SLMAP: variants seen among roughly 807,000 people sequenced by gnomAD.
SLMAP encodes the protein sarcolemmal membrane-associated protein.
A neutral mutation model predicts 128.8 loss-of-function variants in SLMAP; 44 were observed. That is an observed-to-expected ratio of 0.34 (90% CI 0.27 to 0.44). SLMAP has a LOEUF of 0.44. Ranked by LOEUF, SLMAP falls within the 20% of genes least tolerant of loss-of-function variation. The pLI is 1.00. For missense variants in SLMAP, 787 were observed against 985.3 expected, an observed-to-expected ratio of 0.80 and a Z score of 2.69; for synonymous variants, 327 against 348.8, an observed-to-expected ratio of 0.94 and a Z score of 0.70.
intron 2 of SLMAP, among the ~76,000 whole-genome samples, chr3:57,826,194 C>G (rs1464262696): frequency 6.6e-6 from 1 of 151,752 alleles, no homozygotes; most frequent in East Asian, 1.9e-4. Context: ...GTTATTTCAC[C>G]TTTTCTTGAG....
intron 19 of SLMAP, among the ~76,000 whole-genome samples, chr3:57,911,923 TAAAAAAA>T (rs57106769): frequency 1.9e-5 from 1 of 52,368 alleles, no homozygotes; most frequent in Non-Finnish European, 3.5e-5. Context: ...GGATTCACCC[TAAAAAAA>T]AAAAAAAAAA....
chr3:57,896,429 G>A (rs891824015), intron 15 of SLMAP, 82 bp from the exon 16 acceptor site: 6 of 1,453,036 alleles, frequency 4.1e-6, no homozygotes, highest in African/African-American at 1.5e-5. Flanking sequence ...TGTAGATTTT[G>A]AGCATTCATA....
At chr3:57,845,454 G>A (rs1448862676) in intron 4 of SLMAP, among the ~76,000 whole-genome samples, 2 of 152,136 alleles carry the variant, frequency 1.3e-5, no homozygotes, top group Non-Finnish European at 2.9e-5. Flanking sequence ...TATTAAGGTG[G>A]GATCAAAATT....
intron 14 of SLMAP, among the ~76,000 whole-genome samples, chr3:57,881,993 C>T (rs1250316133): frequency 6.6e-6 from 1 of 151,908 alleles, no homozygotes; most frequent in Non-Finnish European, 1.5e-5. Context: ...GTCAATGTAG[C>T]AAGATGCCAT....
chr3:57,865,637 C>T (rs2095279133), intron 13 of SLMAP, among the ~76,000 whole-genome samples: 1 of 152,074 alleles, frequency 6.6e-6, no homozygotes, highest in Non-Finnish European at 1.5e-5. Flanking sequence ...GATACTTGAC[C>T]CCCATTTAAA....
At chr3:57,922,071 C>T (rs1482833091) in intron 22 of SLMAP, among the ~76,000 whole-genome samples, 2 of 152,182 alleles carry the variant, frequency 1.3e-5, no homozygotes, top group Non-Finnish European at 1.5e-5. Flanking sequence ...AGATACATTT[C>T]TTTGCTTCAT....
At chr3:57,813,052 A>G (rs548845729) in intron 2 of SLMAP, among the ~76,000 whole-genome samples, 1 of 150,412 alleles carries the variant, frequency 6.6e-6, no homozygotes, top group South Asian at 2.1e-4. Flanking sequence ...AGACTATATC[A>G]TCTATAAACG....
intron 17 of SLMAP, among the ~76,000 whole-genome samples, chr3:57,907,089 G>A (rs1489106016): frequency 6.6e-6 from 1 of 151,932 alleles, no homozygotes; most frequent in Admixed American, 6.6e-5. Flanking sequence ...GCGCAGTGGC[G>A]CGATCTCGGC....
intron 13 of SLMAP, among the ~76,000 whole-genome samples, chr3:57,867,177 C>G (rs1325451189): frequency 6.6e-6 from 1 of 152,114 alleles, no homozygotes; most frequent in Non-Finnish European, 1.5e-5. Context: ...AGACTCTTGT[C>G]TCAAAAAACA....
intron 4 of SLMAP, among the ~76,000 whole-genome samples, chr3:57,842,917 T>C (rs886303675): frequency 6.6e-6 from 1 of 152,202 alleles, no homozygotes; most frequent in African/African-American, 2.4e-5. Context: ...AAAGTCTGAC[T>C]CCACTTGTTC....
At chr3:57,779,508 C>CAAAAAAAAAAA (rs75146875) in intron 2 of SLMAP, among the ~76,000 whole-genome samples, 8 of 79,780 alleles carry the variant, frequency 1.0e-4, no homozygotes, top group Non-Finnish European at 2.0e-4. Context: ...GACCCTGTTT[C>CAAAAAAAAAAA]AAAAAAAAAA....
At chr3:57,766,000 C>CT (rs769246826) in intron 2 of SLMAP, among the ~76,000 whole-genome samples, 2,869 of 135,898 alleles carry the variant, frequency 0.021, 89 homozygotes, top group African/African-American at 0.065. Context: ...GATTTTCTTT[C>CT]TTTTTTTTTT....
chr3:57,777,445 C>A (rs1014879106), intron 2 of SLMAP, among the ~76,000 whole-genome samples: 1 of 151,810 alleles, frequency 6.6e-6, no homozygotes, highest in African/African-American at 2.4e-5. Flanking sequence ...AATAGCCAGG[C>A]GCAGTGGCAC....
chr3:57,764,531 G>T (rs1559901913), intron 2 of SLMAP, among the ~76,000 whole-genome samples: 1 of 151,144 alleles, frequency 6.6e-6, no homozygotes, highest in South Asian at 2.1e-4. Flanking sequence ...AAGAAAGAAA[G>T]AGTGATACAA....
chr3:57,878,001 A>AT (rs1292713022), intron 14 of SLMAP, among the ~76,000 whole-genome samples: 185 of 147,720 alleles, frequency 1.3e-3, no homozygotes, highest in African/African-American at 3.9e-3. Flanking sequence ...TACCCGGCTA[A>AT]TTTTTTTTTT....
intron 15 of SLMAP, chr3:57,891,132 G>C (rs1250372395): frequency 6.6e-6 from 1 of 150,672 alleles, no homozygotes; most frequent in African/African-American, 2.4e-5. Context: ...CCTTAAAATA[G>C]CTTTTACCTC....
Position 57,912,592 on chromosome 3 carries a change from G to A in SLMAP, c.1911G>A (p.Arg637=). ...TGAGAGCTGAGCTTGAGCGGTGGCGGAAAGCAGCGTCTGAATATGAGAAAG... is the reference window on the plus strand; with the variant it reads ...TGAGAGCTGAGCTTGAGCGGTGGCGAAAAGCAGCGTCTGAATATGAGAAAG... ...KKVRAELERW[R]KAASEYEKEI... is the part of the protein sequence containing the mutation. Residue 637 remains arginine, a synonymous_variant, in exon 20 of 25, where the codon CGG becomes CGA. Coordinates refer to ENST00000671191, the MANE Select transcript of SLMAP (RefSeq NM_001377540.1). 1 of 1,614,140 alleles carries A rather than the reference G, an allele frequency of 6.2e-7. No individual in the cohort carries two copies. Among genetic ancestry groups the A allele is most frequent in the Non-Finnish European group, 8.5e-7 (1 of 1,179,992 alleles).
intron 2 of SLMAP, among the ~76,000 whole-genome samples, chr3:57,798,273 G>C (rs2087271068): frequency 1.3e-5 from 2 of 152,096 alleles, no homozygotes; most frequent in East Asian, 1.9e-4. Flanking sequence ...TTGTGAAGTA[G>C]AATATTTTGG....
chr3:57,848,812 C>T (rs552143832), intron 5 of SLMAP, among the ~76,000 whole-genome samples: 3 of 149,742 alleles, frequency 2.0e-5, no homozygotes, highest in South Asian at 2.1e-4. Context: ...GAGGTTCCAG[C>T]GATTCTTCTG....
Sources: gnomAD v4.1 joint callset for allele counts (sites outside exome capture counted in the v4.1 genomes callset) on GRCh38, gnomAD v4.1.1 for gene constraint, MANE v1.5 for transcripts, NCBI Gene and HGNC (gene_info 2026-07-23, HGNC 2026-07-21) for gene names.